ZNF184: variants seen among roughly 807,000 people sequenced by gnomAD.
The protein encoded by ZNF184 is zinc finger protein 184, also known as zinc finger protein 184 (Kruppel-like).
In ZNF184, 16 loss-of-function variants were observed where a neutral mutation model predicts 54.4. That is an observed-to-expected ratio of 0.29 (90% confidence interval 0.20 to 0.45). The LOEUF (loss-of-function observed/expected upper bound fraction) is 0.45, where lower values mean the gene tolerates loss of function less well. Ranked by LOEUF, ZNF184 falls within the 20% of genes least tolerant of loss-of-function variation. ZNF184 has a pLI of 1.00. For missense variants in ZNF184, 681 were observed against 888.2 expected (o/e 0.77, Z 2.97); for synonymous variants, 254 against 295.3 (o/e 0.86, Z 1.43).
At chr6:27,457,108 G>A (rs1762875018) in intron 4 of ZNF184, among the ~76,000 whole-genome samples, 175 bp downstream of exon 4, 2 of 152,032 alleles carry the variant, frequency 1.3e-5, no homozygotes, top group Admixed American at 1.3e-4. Flanking sequence ...AACTGATCGG[G>A]GTTCAGGAAA....
At chr6:27,444,303 A>G in the ZNF184 span, among the ~76,000 whole-genome samples, 5 of 152,008 alleles carry the variant, frequency 3.3e-5, no homozygotes, top group African/African-American at 9.7e-5. Flanking sequence ...TTTAACCACC[A>G]TATTATTTAT....
the ZNF184 span, among the ~76,000 whole-genome samples, chr6:27,419,182 C>A: frequency 5.9e-5 from 9 of 152,320 alleles, no homozygotes; most frequent in African/African-American, 1.9e-4. This position sits in a 1 kb window ranked among gnomAD's most constrained non-coding sequence, Gnocchi z 4.8. Context: ...CGGCTCACTG[C>A]AACCTCTGCC....
chr6:27,447,122 A>G (rs1762646985), downstream of ZNF184, among the ~76,000 whole-genome samples: 1 of 152,082 alleles, frequency 6.6e-6, no homozygotes, highest in African/African-American at 2.4e-5. Flanking sequence ...GGGTTTTGGA[A>G]AATAGGTAAC....
the ZNF184 span, among the ~76,000 whole-genome samples, chr6:27,438,121 T>A: frequency 6.6e-6 from 1 of 152,200 alleles, no homozygotes; most frequent in Non-Finnish European, 1.5e-5. Flanking sequence ...AGGGCCCATA[T>A]TAAAATGTTA....
chr6:27,419,067 A>G, the ZNF184 span, among the ~76,000 whole-genome samples: 1 of 151,892 alleles, frequency 6.6e-6, no homozygotes, highest in African/African-American at 2.4e-5. The surrounding 1 kb of genome is among the most constrained non-coding windows in gnomAD (Gnocchi z 4.8). Context: ...TTCACGGCTA[A>G]TTTTTCCAAC....
chr6:27,460,464 G>C (rs1241023161), intron 3 of ZNF184, among the ~76,000 whole-genome samples: 2 of 152,186 alleles, frequency 1.3e-5, no homozygotes, highest in Non-Finnish European at 2.9e-5. Flanking sequence ...TTGAACAGCA[G>C]GCAGGACAGA....
At chr6:27,437,156 TGCTAG>T in the ZNF184 span, among the ~76,000 whole-genome samples, 1 of 152,234 alleles carries the variant, frequency 6.6e-6, no homozygotes, top group Non-Finnish European at 1.5e-5. Context: ...TACATAATTA[TGCTAG>T]GTTACATGGC....
chr6:27,467,907 T>C lies in ZNF184; in HGVS notation c.21A>G (p.Pro7=), dbSNP rs780601134. Residue 7 remains proline (P), a synonymous_variant, in exon 3 of 6, where the codon CCA becomes CCG. Transcript: ENST00000683788. The part of the protein sequence containing the change: MEDLSS[P]DSTLLQGGHN... ...GTCCCCCTTGGAGAAGGGTGGAGTC[T>C]GGAGAGGACAGATCTAGGGGGAGAA... The C allele has an allele frequency of 1.6e-5, 25 of 1,611,134 alleles. No individual in the cohort carries two copies. The highest frequency in any genetic ancestry group is 2.0e-5 in the Non-Finnish European group (24 of 1,178,646).
chr6:27,464,599 G>A (rs1037442990), intron 3 of ZNF184, among the ~76,000 whole-genome samples: 6 of 151,874 alleles, frequency 4.0e-5, no homozygotes, highest in Non-Finnish European at 7.4e-5. Context: ...CAAACAGCAA[G>A]GTAAAAGACT....
chr6:27,425,090 C>A, the ZNF184 span, among the ~76,000 whole-genome samples: 1,882 of 152,330 alleles, frequency 0.012, 44 homozygotes, highest in African/African-American at 0.042. Context: ...CCTCATTGCC[C>A]GGGGCCGCCA....
chr6:27,414,105 A>T, the ZNF184 span, among the ~76,000 whole-genome samples: 1 of 152,244 alleles, frequency 6.6e-6, no homozygotes, highest in Non-Finnish European at 1.5e-5. Flanking sequence ...GGAAACCAAA[A>T]TTAAAAATAT....
chr6:27,434,070 C>A, the ZNF184 span, among the ~76,000 whole-genome samples: 2 of 148,146 alleles, frequency 1.4e-5, no homozygotes, highest in East Asian at 2.1e-4. Context: ...ACCCAGGCTG[C>A]AGTGCAGTGG....
chr6:27,452,016 A>G lies in ZNF184; in HGVS notation c.1543T>C (p.Ser515Pro), dbSNP rs1046353053. ...SECGKAFSYL[S>P]NLNQHQKTHT... ...GTTTTCTGATGCTGATTAAGGTTTG[A>G]GAGATAACTGAAAGCCTTTCCACAT... Residue 515 changes from serine (S) to proline (P), a missense_variant, in exon 6 of 6, where the codon TCA (serine) becomes CCA (proline). Ser to Pro is a moderately conservative substitution (Grantham distance 74). Coordinates refer to ENST00000683788, the MANE Select transcript of ZNF184 (RefSeq NM_001318891.2). This position sits in a 1 kb window ranked among gnomAD's most constrained non-coding sequence, Gnocchi z 5.5. The G allele has an allele frequency of 1.2e-6, 2 of 1,613,908 alleles. No individual in the cohort carries two copies. The highest frequency in any genetic ancestry group is 3.3e-5 in the Admixed American group (2 of 60,014).
In ZNF184 at chr6:27,452,109, T is replaced by C. The variant is rs751332868; in HGVS notation, c.1450A>G (p.Ser484Gly). ...YKCNECGKAF[S>G]YCSSLTQHRR... is the part of the protein sequence containing the mutation. ...TGTTGAGTAAGGGATGAGCAGTAAC[T>C]GAAGGCCTTTCCACATTCATTGCAT... Residue 484 changes from serine to glycine, a missense_variant, in exon 6 of 6, where the codon AGT (serine) becomes GGT (glycine). Physicochemically the swap from Ser to Gly is moderately conservative, Grantham distance 56 (BLOSUM62 0). Coordinates refer to ENST00000683788, the MANE Select transcript of ZNF184 (RefSeq NM_001318891.2). The surrounding 1 kb of genome is among the most constrained non-coding windows in gnomAD (Gnocchi z 5.5). The C allele has an allele frequency of 1.2e-6, 2 of 1,613,998 alleles. No individual in the cohort carries two copies. Among genetic ancestry groups the C allele is most frequent in the African/African-American group, 1.3e-5 (1 of 74,948 alleles).
the ZNF184 span, among the ~76,000 whole-genome samples, chr6:27,424,035 C>T: frequency 3.3e-5 from 5 of 152,118 alleles, 1 homozygote; most frequent in Non-Finnish European, 4.4e-5. Flanking sequence ...CGAACCCTCG[C>T]GGTGAGCGTT....
chr6:27,445,543 TG>T, the ZNF184 span, among the ~76,000 whole-genome samples: 1 of 152,168 alleles, frequency 6.6e-6, no homozygotes, highest in Non-Finnish European at 1.5e-5. Context: ...CCACTTTTTC[TG>T]TCTCAAGTGC....
At chr6:27,457,181 G>C (rs10484398) in intron 4 of ZNF184, 102 bp downstream of exon 4, 905,372 of 1,450,192 alleles carry the variant, frequency 0.62, 284,609 homozygotes, top group Middle Eastern at 0.76. Context: ...TAGAAATTTA[G>C]AAATGGTTGG....
chr6:27,456,804 T>C, intron 5 of ZNF184, 22 bp downstream of exon 5: 1 of 1,600,076 alleles, frequency 6.2e-7, no homozygotes, highest in Non-Finnish European at 8.6e-7. Context: ...ATGATATTCA[T>C]CTGCTGGCAT....
At chr6:27,465,803 A>G (rs1763120917) in intron 3 of ZNF184, among the ~76,000 whole-genome samples, 1 of 152,192 alleles carries the variant, frequency 6.6e-6, no homozygotes, top group Non-Finnish European at 1.5e-5. Context: ...CTGAGATTTC[A>G]ATACCCCTTT....
Sources: gnomAD v4.1 joint callset for allele counts (sites outside exome capture counted in the v4.1 genomes callset) on GRCh38, gnomAD v4.1.1 for gene constraint, Gnocchi (gnomAD v3.1) non-coding constraint, MANE v1.5 for transcripts, NCBI Gene and HGNC (gene_info 2026-07-23, HGNC 2026-07-21) for gene names.